The following AGAP1 variants were observed in gnomAD, a reference collection of about 807,000 sequenced individuals.
AGAP1 encodes the protein ArfGAP with GTPase domain, ankyrin repeat and PH domain 1.
A neutral mutation model predicts 105.3 loss-of-function variants in AGAP1; 29 were observed. The observed-to-expected ratio is 0.28, with a 90% CI of 0.21 to 0.38. AGAP1 has a LOEUF of 0.38. Among genes scored for constraint, AGAP1 ranks in the 10% least tolerant of loss-of-function variants. AGAP1 has a pLI of 1.00. For synonymous variants in AGAP1, 509 were observed against 485.9 expected, an observed-to-expected ratio of 1.05 and a Z score of -0.63; for missense variants, 998 against 1,165.1, an observed-to-expected ratio of 0.86 and a Z score of 2.09.
At chr2:235,590,142 A>T (rs1056471524) in intron 1 of AGAP1, among the ~76,000 whole-genome samples, 2 of 152,054 alleles carry the variant, frequency 1.3e-5, no homozygotes, top group Admixed American at 6.6e-5. Flanking sequence ...CGGCCTCCCA[A>T]AGTGCTGGGA....
chr2:235,609,607 A>T lies in AGAP1; in HGVS notation c.164-99572A>T, dbSNP rs1029735236. Among the ~76,000 whole-genome samples the T allele has an allele frequency of 6.6e-5, 10 of 152,190 alleles. No homozygotes were observed. The highest frequency in any genetic ancestry group is 3.4e-3 in the Middle Eastern group (1 of 294). The stretch of plus-strand genomic sequence containing the variant: ...CCCCGGACCTGCATGCGCGCTGAGG[A>T]TGGCAGAGGGGCTCCTGCCTGTCTC... On this transcript the variant is annotated intron_variant, in intron 1 of 17. Transcript: ENST00000304032. The surrounding 1 kb of genome is among the most constrained non-coding windows in gnomAD (Gnocchi z 5.1).
At chr2:235,738,798 T>A (rs1952404937) in intron 3 of AGAP1, among the ~76,000 whole-genome samples, 1 of 152,166 alleles carries the variant, frequency 6.6e-6, no homozygotes, top group Non-Finnish European at 1.5e-5. Flanking sequence ...CCTCAGGTGA[T>A]CCACCTGCCT....
chr2:235,498,634 C>G (rs1201333718), intron 1 of AGAP1, among the ~76,000 whole-genome samples: 3 of 152,242 alleles, frequency 2.0e-5, no homozygotes, highest in South Asian at 2.1e-4. Context: ...TAAAGCCTCT[C>G]TTAGCAGTCA....
At position 235,728,565 on chromosome 2, in the gene AGAP1, G is replaced by A. The variant is rs189248254; in HGVS notation, c.310+10921G>A. 1.6e-3 allele frequency among the ~76,000 whole-genome samples: 247 copies of A among 152,282 alleles called. 8 individuals are homozygous for A. Among genetic ancestry groups the A allele is most frequent in the Middle Eastern group, 0.014 (4 of 294 alleles). ...GGGTCTGTGTGCAGGAGGAGTGCTAGTGTGAGAGCTGCTGGTGCCTGCCCT... is the reference window on the plus strand; with the variant it reads ...GGGTCTGTGTGCAGGAGGAGTGCTAATGTGAGAGCTGCTGGTGCCTGCCCT... On this transcript the variant is annotated intron_variant, in intron 3 of 17. Transcript: ENST00000304032. This position sits in a 1 kb window ranked among gnomAD's most constrained non-coding sequence, Gnocchi z 4.3.
In AGAP1 at chr2:235,842,263, G is replaced by A. The variant is rs911683130; in HGVS notation, c.1050+34932G>A. On this transcript the variant is annotated intron_variant, in intron 9 of 17. Transcript: ENST00000304032. This position sits in a 1 kb window ranked among gnomAD's most constrained non-coding sequence, Gnocchi z 5.3. ...AATGTGGCTGGGGGGAAATTCATTCGTATTTCCACTGACTTCGACTGAAAG... is the reference window on the plus strand; with the variant it reads ...AATGTGGCTGGGGGGAAATTCATTCATATTTCCACTGACTTCGACTGAAAG... Among the ~76,000 whole-genome samples, 9 of 152,336 alleles carry A rather than the reference G, an allele frequency of 5.9e-5. No homozygotes were observed. Among genetic ancestry groups the A allele is most frequent in the East Asian group, 1.9e-4 (1 of 5,190 alleles).
rs149196297 is a variant in AGAP1 at position 235,819,226 on chromosome 2, A to G, written c.1050+11895A>G. Among the ~76,000 whole-genome samples, 765 of 151,058 alleles carry G rather than the reference A, an allele frequency of 5.1e-3. 8 individuals are homozygous for G. Among genetic ancestry groups the G allele is most frequent in the African/African-American group, 0.018 (720 of 41,064 alleles). ...TGCCTCCCGTGTTGAATTGATCCTCATAACAGCCTCCCAAGTAGTTGGGAC... is the reference window on the plus strand; with the variant it reads ...TGCCTCCCGTGTTGAATTGATCCTCGTAACAGCCTCCCAAGTAGTTGGGAC... On this transcript the variant is annotated intron_variant, in intron 9 of 17. Transcript: ENST00000304032.
rs1946599502 is a variant in AGAP1 at position 235,625,164 on chromosome 2, C to G, written c.164-84015C>G. ...CTCGGAATCATTCCAGGTGCCTGCT[C>G]TAGACTCTTGGTGTTGCTCTTCTTT... On this transcript the variant is annotated intron_variant, in intron 1 of 17. Coordinates refer to ENST00000304032, the MANE Select transcript of AGAP1 (RefSeq NM_001037131.3). This position sits in a 1 kb window ranked among gnomAD's most constrained non-coding sequence, Gnocchi z 4.0. 6.6e-6 allele frequency among the ~76,000 whole-genome samples: 1 copy of G among 152,318 alleles called. No individual in the cohort carries two copies. Among genetic ancestry groups the G allele is most frequent in the East Asian group, 1.9e-4 (1 of 5,172 alleles).
At chr2:235,913,326 A>G (rs2051712264) in intron 11 of AGAP1, among the ~76,000 whole-genome samples, 1 of 152,214 alleles carries the variant, frequency 6.6e-6, no homozygotes, top group Non-Finnish European at 1.5e-5. Flanking sequence ...ATACATGTAT[A>G]TGCATGTATT....
chr2:235,513,097 T>C (rs563491973), intron 1 of AGAP1, among the ~76,000 whole-genome samples: 1 of 152,330 alleles, frequency 6.6e-6, no homozygotes, highest in Non-Finnish European at 1.5e-5. Context: ...TTGTGTTTTC[T>C]AGTTCAGATG....
intron 16 of AGAP1, among the ~76,000 whole-genome samples, chr2:236,066,398 G>A (rs986566517): frequency 3.9e-5 from 6 of 152,022 alleles, no homozygotes; most frequent in South Asian, 2.1e-4. Flanking sequence ...GTTCATTTTC[G>A]TATTTTTAGT....
In AGAP1 at chr2:235,724,284, T is replaced by C. The variant is rs575000459; in HGVS notation, c.310+6640T>C. ...GGTAATGGGGATGGCTGGTAAAGGC[T>C]GTGCCGGCCCTGCCTCCCTCCCAGA... On this transcript the variant is annotated intron_variant, in intron 3 of 17. Transcript: ENST00000304032. This position sits in a 1 kb window ranked among gnomAD's most constrained non-coding sequence, Gnocchi z 4.9. 6.6e-6 allele frequency among the ~76,000 whole-genome samples: 1 copy of C among 152,336 alleles called. No individual in the cohort carries two copies. Among genetic ancestry groups the C allele is most frequent in the South Asian group, 2.1e-4 (1 of 4,822 alleles).
intron 1 of AGAP1, among the ~76,000 whole-genome samples, chr2:235,618,593 TTATTA>T (rs1481565546): frequency 6.6e-6 from 1 of 152,232 alleles, no homozygotes; most frequent in African/African-American, 2.4e-5. Flanking sequence ...TTTTATCTTT[TTATTA>T]AGGTCCATTT....
chr2:235,672,183 C>T (rs1230547568), intron 1 of AGAP1, among the ~76,000 whole-genome samples: 4 of 152,122 alleles, frequency 2.6e-5, no homozygotes, highest in Non-Finnish European at 5.9e-5. Flanking sequence ...GGGTATTCAT[C>T]CCAAGTGGAC....
chr2:236,016,825 T>C (rs546519679), intron 13 of AGAP1, among the ~76,000 whole-genome samples: 59 of 152,300 alleles, frequency 3.9e-4, no homozygotes, highest in African/African-American at 1.4e-3. Context: ...TATCCAATTG[T>C]CCCTCACAAT....
chr2:235,856,805 G>T (rs2048704909), intron 9 of AGAP1, among the ~76,000 whole-genome samples: 2 of 152,250 alleles, frequency 1.3e-5, no homozygotes, highest in Non-Finnish European at 2.9e-5. Flanking sequence ...CAAAACTTCA[G>T]CCAGTGTTCC....
At chr2:235,816,449 A>G (rs1196929717) in intron 9 of AGAP1, among the ~76,000 whole-genome samples, 1 of 151,508 alleles carries the variant, frequency 6.6e-6, no homozygotes, top group Non-Finnish European at 1.5e-5. Context: ...AAAAAAAAAA[A>G]AAAAAAAAGG....
In AGAP1 at chr2:235,999,199, G is replaced by A. The variant is rs1326714921; in HGVS notation, c.1645+30576G>A. The stretch of plus-strand genomic sequence containing the variant: ...TAATGGTGATGGTGATGATGGCAGT[G>A]TGATGACCAATATGGTATGGTGGTG... On this transcript the variant is annotated intron_variant, in intron 13 of 17. Coordinates refer to ENST00000304032, the MANE Select transcript of AGAP1 (RefSeq NM_001037131.3). Among the ~76,000 whole-genome samples, 777 of 140,778 alleles carry A rather than the reference G, an allele frequency of 5.5e-3. 4 individuals are homozygous for A. The highest frequency in any genetic ancestry group is 9.1e-3 in the Non-Finnish European group (589 of 64,488). 92.4% of individuals were successfully genotyped at this position (140,778 alleles called of 152,430 possible). A position where few individuals can be genotyped will look rare whatever the true frequency, so the allele number is the denominator to read the frequency against.
rs1036461234 is a variant in AGAP1, at chr2:235,931,282, C to T, written c.1483+359C>T. ...ATTTTATCTCCCCAATCACACTGCC[C>T]TACGTGGCGTGGCCCACACTCTTCC... is the stretch of plus-strand genomic sequence containing the variant. On this transcript the variant is annotated intron_variant, in intron 12 of 17. Coordinates refer to ENST00000304032, the MANE Select transcript of AGAP1 (RefSeq NM_001037131.3). This position sits in a 1 kb window ranked among gnomAD's most constrained non-coding sequence, Gnocchi z 5.6. Among the ~76,000 whole-genome samples, 2 of 152,092 alleles carry T rather than the reference C, an allele frequency of 1.3e-5. No individual in the cohort carries two copies. Among genetic ancestry groups the T allele is most frequent in the African/African-American group, 4.8e-5 (2 of 41,422 alleles).
At chr2:236,048,393 A>G (rs116496508) in intron 15 of AGAP1, among the ~76,000 whole-genome samples, 3,363 of 152,300 alleles carry the variant, frequency 0.022, 114 homozygotes, top group African/African-American at 0.076. Context: ...GTCACCATTC[A>G]TTCTGCAAGT....
Sources: gnomAD v4.1 joint callset for allele counts (sites outside exome capture counted in the v4.1 genomes callset) on GRCh38, gnomAD v4.1.1 for gene constraint, Gnocchi (gnomAD v3.1) non-coding constraint, MANE v1.5 for transcripts, NCBI Gene and HGNC (gene_info 2026-07-23, HGNC 2026-07-21) for gene names.